The following ACVR1C variants were observed in gnomAD, a reference collection of about 807,000 sequenced individuals.
ACVR1C encodes the protein activin A receptor type 1C.
Under a neutral mutation model 57.9 loss-of-function variants are expected in ACVR1C, and 23 were observed. The observed-to-expected ratio is 0.40, with a 90% CI of 0.29 to 0.56. The LOEUF is 0.56. ACVR1C is among the 20% of genes least tolerant of loss of function. ACVR1C has a pLI of 0.50. For missense variants in ACVR1C, 480 were observed against 607.9 expected (o/e 0.79, Z 2.21); for synonymous variants, 214 against 215.3 (o/e 0.99, Z 0.05).
intron 2 of ACVR1C, among the ~76,000 whole-genome samples, chr2:157,560,660 G>C (rs886267891): frequency 2.0e-5 from 3 of 152,132 alleles, no homozygotes; most frequent in Non-Finnish European, 2.9e-5. Context: ...TTCATAGGAG[G>C]ACCTGACTGA....
intron 1 of ACVR1C, among the ~76,000 whole-genome samples, chr2:157,615,044 G>GTT (rs1421866337): frequency 1.3e-5 from 2 of 151,958 alleles, no homozygotes; most frequent in Non-Finnish European, 2.9e-5. Context: ...ATTGTTCATT[G>GTT]TTTTCCATTC....
intron 1 of ACVR1C, among the ~76,000 whole-genome samples, chr2:157,603,886 G>A (rs956083926): frequency 1.3e-5 from 2 of 151,980 alleles, no homozygotes; most frequent in Non-Finnish European, 2.9e-5. Context: ...TATGTCTATT[G>A]AATTAATGTT....
At chr2:157,540,809 C>T in intron 7 of ACVR1C, among the ~76,000 whole-genome samples, 1 of 152,164 alleles carries the variant, frequency 6.6e-6, no homozygotes, top group South Asian at 2.1e-4. Flanking sequence ...CAGCTTACAG[C>T]TTACAAACTC....
intron 6 of ACVR1C, among the ~76,000 whole-genome samples, chr2:157,542,475 C>T (rs997749987): frequency 6.6e-6 from 1 of 152,178 alleles, no homozygotes; most frequent in Non-Finnish European, 1.5e-5. Flanking sequence ...TCATTTCTCT[C>T]CACTGGACTC....
chr2:157,546,514 A>G (rs1366182063), intron 4 of ACVR1C, among the ~76,000 whole-genome samples: 1 of 152,176 alleles, frequency 6.6e-6, no homozygotes, highest in Non-Finnish European at 1.5e-5. Context: ...TTCACAGGCA[A>G]TGGTGGATCC....
At position 157,628,627 on chromosome 2, in the gene ACVR1C, G is replaced by A; in HGVS notation, c.18C>T (p.Cys6=). 1.3e-6 allele frequency: 2 copies of A among 1,593,324 alleles called. No homozygotes were observed. The highest frequency in any genetic ancestry group is 1.7e-6 in the Non-Finnish European group (2 of 1,171,168). MTRAL[C]SALRQALLLL... is the part of the protein sequence containing the mutation. ...GCAGGAGAGCCTGGCGGAGCGCTGA[G>A]CAGAGCGCCCGGGTCATCGCCACCA... Residue 6 remains cysteine (C), a synonymous_variant, in exon 1 of 9, where the codon TGC becomes TGT. Coordinates refer to ENST00000243349, the MANE Select transcript of ACVR1C (RefSeq NM_145259.3).
chr2:157,535,201 T>G (rs1301152770), intron 8 of ACVR1C, among the ~76,000 whole-genome samples: 2 of 150,646 alleles, frequency 1.3e-5, no homozygotes, highest in Non-Finnish European at 2.9e-5. Flanking sequence ...ACTATTTCCC[T>G]GAAACCTTCT....
chr2:157,566,752 A>T (rs1233964465), intron 2 of ACVR1C, among the ~76,000 whole-genome samples: 1 of 151,662 alleles, frequency 6.6e-6, no homozygotes, highest in Non-Finnish European at 1.5e-5. Context: ...GCAGTCTGAG[A>T]TCAAACTGCA....
At chr2:157,614,483 T>A (rs1164711327) in intron 1 of ACVR1C, among the ~76,000 whole-genome samples, 3 of 152,192 alleles carry the variant, frequency 2.0e-5, no homozygotes, top group Non-Finnish European at 4.4e-5. Context: ...CTGTTGTTAG[T>A]TGGAATGTCA....
intron 1 of ACVR1C, among the ~76,000 whole-genome samples, chr2:157,625,040 T>C (rs1682867818): frequency 6.6e-6 from 1 of 152,232 alleles, no homozygotes; most frequent in African/African-American, 2.4e-5. Context: ...TGAAAAGTTA[T>C]CAGTAAATGC....
At chr2:157,583,497 G>A (rs1164812487) in intron 2 of ACVR1C, among the ~76,000 whole-genome samples, 1 of 152,176 alleles carries the variant, frequency 6.6e-6, no homozygotes, top group African/African-American at 2.4e-5. Context: ...ATCTCAGCGT[G>A]TGTTTTTGTA....
chr2:157,539,534 G>A (rs1227514672), intron 7 of ACVR1C, among the ~76,000 whole-genome samples: 1 of 152,050 alleles, frequency 6.6e-6, no homozygotes, highest in East Asian at 1.9e-4. Context: ...GAAAAGTTAA[G>A]GACAAAATCT....
At chr2:157,622,531 A>G (rs949939803) in intron 1 of ACVR1C, among the ~76,000 whole-genome samples, 1 of 152,234 alleles carries the variant, frequency 6.6e-6, no homozygotes, top group Non-Finnish European at 1.5e-5. Flanking sequence ...TAGTCTCTTC[A>G]ATAAATGGTC....
chr2:157,544,315 G>T, intron 5 of ACVR1C, 130 bp downstream of exon 5: 1 of 872,468 alleles, frequency 1.1e-6, no homozygotes, highest in Non-Finnish European at 1.6e-6. Flanking sequence ...AAAATGCTGG[G>T]ATTATGGGTA....
At chr2:157,599,751 T>C (rs1257536779) in intron 1 of ACVR1C, among the ~76,000 whole-genome samples, 5 of 152,222 alleles carry the variant, frequency 3.3e-5, no homozygotes, top group Non-Finnish European at 7.3e-5. Context: ...TTACCAATTA[T>C]AATCAACTCC....
chr2:157,576,315 C>T (rs1207234900), intron 2 of ACVR1C, among the ~76,000 whole-genome samples: 3 of 147,244 alleles, frequency 2.0e-5, no homozygotes, highest in African/African-American at 5.1e-5. Context: ...AAGCAATTCT[C>T]CTGCCTCAGC....
intron 5 of ACVR1C, among the ~76,000 whole-genome samples, chr2:157,543,906 T>C (rs939292088): frequency 3.3e-5 from 5 of 152,092 alleles, no homozygotes; most frequent in African/African-American, 1.2e-4. Flanking sequence ...ATGGCAAAGA[T>C]AGAACCACTA....
intron 1 of ACVR1C, among the ~76,000 whole-genome samples, chr2:157,605,363 A>G (rs1243121117): frequency 6.6e-6 from 1 of 151,752 alleles, no homozygotes; most frequent in East Asian, 1.9e-4. Flanking sequence ...TGACTTGGGT[A>G]TTCTCATTCC....
intron 1 of ACVR1C, among the ~76,000 whole-genome samples, chr2:157,620,434 GA>G (rs1317316395): frequency 2.6e-5 from 4 of 152,024 alleles, no homozygotes; most frequent in Non-Finnish European, 5.9e-5. Flanking sequence ...AGTAGGCCAG[GA>G]AAATGCCATC....
Sources: gnomAD v4.1 joint callset for allele counts (sites outside exome capture counted in the v4.1 genomes callset) on GRCh38, gnomAD v4.1.1 for gene constraint, MANE v1.5 for transcripts, NCBI Gene and HGNC (gene_info 2026-07-23, HGNC 2026-07-21) for gene names.